PTPRD: variants seen among roughly 807,000 people sequenced by gnomAD.
The protein encoded by PTPRD is protein tyrosine phosphatase receptor type D.
Under a neutral mutation model 214.5 loss-of-function variants are expected in PTPRD, and 34 were observed. The ratio of observed to expected loss-of-function variants is 0.16; its 90% CI spans 0.12 to 0.21. The LOEUF is 0.21. Among genes scored for constraint, PTPRD ranks in the 10% least tolerant of loss-of-function variants. The probability of loss-of-function intolerance (pLI) is 1.00; values close to 1 mark genes in which losing one functional copy is unlikely to be tolerated. For missense variants in PTPRD, 2,545 were observed against 2,398.7 expected (o/e 1.06, Z -1.27); for synonymous variants, 1,128 against 845.7 (o/e 1.33, Z -5.79).
intron 5 of PTPRD, among the ~76,000 whole-genome samples, chr9:9,890,247 G>C (rs1005150646): frequency 1.3e-5 from 2 of 151,948 alleles, no homozygotes; most frequent in Admixed American, 6.6e-5. Flanking sequence ...GCCCAGGGTA[G>C]AGTGCAGTGA....
chr9:10,088,346 A>G (rs1427059928), intron 3 of PTPRD, among the ~76,000 whole-genome samples: 1 of 151,794 alleles, frequency 6.6e-6, no homozygotes, highest in Non-Finnish European at 1.5e-5. Flanking sequence ...ATATGCCTCT[A>G]TTAGAAACAA....
intron 9 of PTPRD, among the ~76,000 whole-genome samples, chr9:9,294,149 C>A (rs1057303382): frequency 6.6e-6 from 1 of 151,522 alleles, no homozygotes; most frequent in Non-Finnish European, 1.5e-5. Flanking sequence ...GGAGGGATGA[C>A]ATGAAATTTC....
At chr9:9,315,027 C>T (rs1961819615) in intron 9 of PTPRD, among the ~76,000 whole-genome samples, 1 of 151,908 alleles carries the variant, frequency 6.6e-6, no homozygotes. Flanking sequence ...TACAACTCAC[C>T]TAGATTTTAT....
intron 10 of PTPRD, among the ~76,000 whole-genome samples, chr9:9,172,780 C>T (rs1359842323): frequency 2.0e-5 from 3 of 152,122 alleles, no homozygotes; most frequent in African/African-American, 7.2e-5. Context: ...ATTTCTCTGA[C>T]TCCCAAAGCC....
intron 7 of PTPRD, among the ~76,000 whole-genome samples, chr9:9,592,728 C>G (rs9407430): frequency 0.3 from 45,833 of 151,766 alleles, 7,755 homozygotes; most frequent in Non-Finnish European, 0.39. Flanking sequence ...ATTGCTAAAA[C>G]CAATGTAATA....
At chr9:8,964,003 G>A (rs994509477) in intron 11 of PTPRD, among the ~76,000 whole-genome samples, 2 of 151,962 alleles carry the variant, frequency 1.3e-5, no homozygotes, top group South Asian at 4.2e-4. Context: ...ATGTTGGCCT[G>A]TAGTTTTCTT....
At chr9:8,900,963 C>A (rs886976719) in intron 11 of PTPRD, among the ~76,000 whole-genome samples, 3 of 151,970 alleles carry the variant, frequency 2.0e-5, no homozygotes, top group Non-Finnish European at 4.4e-5. Flanking sequence ...TCTTGCTGAC[C>A]TAAGTACAGG....
chr9:8,993,913 A>T (rs1203979713), intron 11 of PTPRD, among the ~76,000 whole-genome samples: 11 of 152,162 alleles, frequency 7.2e-5, no homozygotes, highest in Admixed American at 7.2e-4. Flanking sequence ...TAAAAATTTC[A>T]TTTGAAATAA....
At chr9:10,574,608 T>C (rs2068569110) in intron 2 of PTPRD, among the ~76,000 whole-genome samples, 1 of 152,034 alleles carries the variant, frequency 6.6e-6, no homozygotes, top group African/African-American at 2.4e-5. Flanking sequence ...TGTGGGTTAA[T>C]GTTCATTAAG....
chr9:10,133,202 C>T (rs560437075), intron 3 of PTPRD, among the ~76,000 whole-genome samples: 3 of 152,046 alleles, frequency 2.0e-5, no homozygotes, highest in East Asian at 1.9e-4. Context: ...AGATCACTAA[C>T]GGTGCTGAAG....
At chr9:10,510,166 G>A (rs527527503) in intron 2 of PTPRD, among the ~76,000 whole-genome samples, 1 of 152,176 alleles carries the variant, frequency 6.6e-6, no homozygotes, top group East Asian at 1.9e-4. Flanking sequence ...GAAGTCAAAT[G>A]TCAATTTGCC....
At chr9:10,394,686 G>A (rs1197083710) in intron 2 of PTPRD, among the ~76,000 whole-genome samples, 1 of 151,778 alleles carries the variant, frequency 6.6e-6, no homozygotes, top group Admixed American at 6.6e-5. Context: ...ATAGCCTTTT[G>A]TGACATCTGG....
At chr9:9,597,763 A>C (rs572850373) in intron 7 of PTPRD, among the ~76,000 whole-genome samples, 2 of 152,046 alleles carry the variant, frequency 1.3e-5, no homozygotes, top group Admixed American at 1.3e-4. Flanking sequence ...AACAAGAAAT[A>C]AAGGTAACAG....
intron 7 of PTPRD, among the ~76,000 whole-genome samples, chr9:9,725,412 C>T (rs954234495): frequency 1.3e-5 from 2 of 151,960 alleles, no homozygotes; most frequent in East Asian, 3.9e-4. Flanking sequence ...TACGTGGAAC[C>T]ATAAGTCCAT....
At chr9:9,680,015 A>G (rs887222207) in intron 7 of PTPRD, among the ~76,000 whole-genome samples, 1 of 151,924 alleles carries the variant, frequency 6.6e-6, no homozygotes, top group African/African-American at 2.4e-5. Context: ...GTAGAGAACA[A>G]TATTTTAAAA....
intron 9 of PTPRD, among the ~76,000 whole-genome samples, chr9:9,252,624 G>A (rs2099975961): frequency 6.6e-6 from 1 of 152,006 alleles, no homozygotes; most frequent in Admixed American, 6.6e-5. Context: ...TAGGACTGCA[G>A]GTGCATACCA....
intron 3 of PTPRD, among the ~76,000 whole-genome samples, chr9:10,182,827 C>T (rs1455427928): frequency 2.6e-5 from 4 of 152,088 alleles, no homozygotes; most frequent in African/African-American, 2.4e-5. Context: ...TGACAGTATG[C>T]ATGTATGTAT....
In PTPRD at chr9:8,818,742, A is replaced by C. The variant is rs1045222751; in HGVS notation, c.-103-84796T>G. Among the ~76,000 whole-genome samples, 36 of 152,232 alleles carry C rather than the reference A, an allele frequency of 2.4e-4. 1 individual carries two copies. The highest frequency in any genetic ancestry group is 8.4e-4 in the African/African-American group (35 of 41,464). On this transcript the variant is annotated intron_variant, in intron 11 of 45. Coordinates refer to ENST00000381196, the MANE Select transcript of PTPRD (RefSeq NM_002839.4). ...TTACGCACATATTTAATTGTTACTAATTAATATTTATTGCATTTATAAAAT... is the reference window on the plus strand; with the variant it reads ...TTACGCACATATTTAATTGTTACTACTTAATATTTATTGCATTTATAAAAT...
intron 9 of PTPRD, among the ~76,000 whole-genome samples, chr9:9,378,460 T>C (rs1039139469): frequency 2.0e-5 from 3 of 152,178 alleles, no homozygotes; most frequent in African/African-American, 4.8e-5. Context: ...TTTTGGCAAT[T>C]ATGAATAATG....
Sources: gnomAD v4.1 joint callset for allele counts (sites outside exome capture counted in the v4.1 genomes callset) on GRCh38, gnomAD v4.1.1 for gene constraint, MANE v1.5 for transcripts, NCBI Gene and HGNC (gene_info 2026-07-23, HGNC 2026-07-21) for gene names.